ATAD2: variants seen among roughly 807,000 people sequenced by gnomAD.
The protein encoded by ATAD2 is ATPase family AAA domain-containing protein 2.
Under a neutral mutation model 168.9 loss-of-function variants are expected in ATAD2, and 62 were observed. The ratio of observed to expected loss-of-function variants is 0.37; its 90% CI spans 0.30 to 0.45. ATAD2 has a LOEUF of 0.45. ATAD2 is among the 20% of genes least tolerant of loss of function. ATAD2 has a pLI of 1.00. For synonymous variants in ATAD2, 613 were observed against 571.6 expected (o/e 1.07, Z -1.03); for missense variants, 1,419 against 1,667.8 (o/e 0.85, Z 2.60).
chr8:123,353,909 G>A (rs146805832), intron 13 of ATAD2, among the ~76,000 whole-genome samples: 2,632 of 152,258 alleles, frequency 0.017, 59 homozygotes, highest in African/African-American at 0.059. Flanking sequence ...GAGGCAGGTG[G>A]ATCACCTGAG....
In ATAD2 at chr8:123,396,226, C is replaced by G. The variant is rs1486389661; in HGVS notation, c.132G>C (p.Ala44=). ...IGRRRLRSAG[A]AQKKPAATTA... ...TGGTCGCCGCGGGTTTCTTCTGCGCCGCGCCGGCCGAGCGGAGCCGCCTCC... is the reference window on the plus strand; with the variant it reads ...TGGTCGCCGCGGGTTTCTTCTGCGCGGCGCCGGCCGAGCGGAGCCGCCTCC... The change falls in exon 1 of 28, where the codon GCG becomes GCC. Residue 44 remains alanine, a synonymous_variant. Transcript: ENST00000287394. The G allele has an allele frequency of 6.3e-7, 1 of 1,599,674 alleles. No individual in the cohort carries two copies.
At chr8:123,329,104 C>T (rs78502268) in intron 24 of ATAD2, among the ~76,000 whole-genome samples, 6,322 of 152,012 alleles carry the variant, frequency 0.042, 428 homozygotes, top group African/African-American at 0.14. Context: ...CCCGGCCTAT[C>T]TTGAATACTT....
At position 123,359,665 on chromosome 8, in the gene ATAD2, C is replaced by G. The variant is rs754909018; in HGVS notation, c.1178G>C (p.Arg393Pro). ...ATAAATGCCTTTTAATTCATCTTTC[C>G]GAAAATTTAGTGGGAGGCACCTATT... Reference protein sequence around the residue: ...AINRCLPLNFRKDELKGIYKD... With the variant: ...AINRCLPLNFPKDELKGIYKD... The change falls in exon 10 of 28, where the codon CGG becomes CCG. Residue 393 changes from arginine to proline, a missense_variant. Physicochemically the swap from Arg to Pro is moderately radical, Grantham distance 103 (BLOSUM62 -2). Transcript: ENST00000287394. 1.6e-5 allele frequency: 25 copies of G among 1,611,698 alleles called. 1 individual carries two copies. In the South Asian group the frequency reaches 2.7e-4, roughly 17 times the overall value.
rs869048943 is a variant in ATAD2 at position 123,321,987 on chromosome 8, C to CTTTTTTTTTTTTTTTT, written c.4132-828_4132-813dup. Among the ~76,000 whole-genome samples, 22 of 136,466 alleles carry CTTTTTTTTTTTTTTTT rather than the reference C, an allele frequency of 1.6e-4. 1 individual carries two copies. Among genetic ancestry groups the CTTTTTTTTTTTTTTTT allele is most frequent in the African/African-American group, 5.7e-4 (20 of 35,126 alleles). The allele number at this position is 136,466 out of a possible 152,430, so 89.5% of individuals were successfully genotyped here. ...ATAAAGGAAGATTAAGTACATAAGT[C>CTTTTTTTTTTTTTTTT]TTTTTTTTTTTTTTTTGTCATACAG... On this transcript the variant is annotated intron_variant, in intron 27 of 27. Coordinates refer to ENST00000287394, the MANE Select transcript of ATAD2 (RefSeq NM_014109.4).
upstream of ATAD2, among the ~76,000 whole-genome samples, chr8:123,397,411 G>A (rs1465513975): frequency 6.6e-6 from 1 of 152,142 alleles, no homozygotes; most frequent in African/African-American, 2.4e-5. Context: ...GTACTATTAT[G>A]ATACCTTGGA....
intron 4 of ATAD2, 56 bp from the exon 5 acceptor site, chr8:123,371,394 A>T: frequency 2.1e-6 from 3 of 1,411,622 alleles, no homozygotes; most frequent in Non-Finnish European, 2.9e-6. Flanking sequence ...GCAGAATTTT[A>T]AAAACTTTAT....
intron 1 of ATAD2, among the ~76,000 whole-genome samples, chr8:123,393,558 T>C (rs1435726510): frequency 2.6e-5 from 4 of 151,330 alleles, no homozygotes; most frequent in Admixed American, 2.6e-4. Flanking sequence ...TGAGGGAAGG[T>C]GGGGCATAAT....
intron 26 of ATAD2, among the ~76,000 whole-genome samples, chr8:123,325,645 T>A (rs1337176901): frequency 6.6e-6 from 1 of 152,028 alleles, no homozygotes; most frequent in Non-Finnish European, 1.5e-5. Context: ...GGTCTCGAAC[T>A]CCTGACCTCA....
chr8:123,325,827 TCA>T, intron 26 of ATAD2, 64 bp downstream of exon 26: 1 of 1,571,472 alleles, frequency 6.4e-7, no homozygotes, highest in South Asian at 1.1e-5. Flanking sequence ...ATGCTACTAG[TCA>T]CAAGCCAGTG....
At chr8:123,398,590 C>T (rs947911362), upstream of ATAD2, among the ~76,000 whole-genome samples, 1 of 152,236 alleles carries the variant, frequency 6.6e-6, no homozygotes, top group Admixed American at 6.5e-5. Flanking sequence ...CGGTTCACTG[C>T]AGCTTTGACC....
chr8:123,380,171 C>T (rs943318951), intron 2 of ATAD2, among the ~76,000 whole-genome samples: 1 of 152,070 alleles, frequency 6.6e-6, no homozygotes, highest in Non-Finnish European at 1.5e-5. Context: ...CCTGCCTCAG[C>T]CTCCCGAGTA....
Position 123,337,781 on chromosome 8 carries a change from A to AGGT in ATAD2, c.2892_2894dup (p.Pro965dup). 6.2e-7 allele frequency: 1 copy of AGGT among 1,612,360 alleles called. No homozygotes were observed. Among genetic ancestry groups the AGGT allele is most frequent in the Non-Finnish European group, 8.5e-7 (1 of 1,179,238 alleles). On this transcript the variant is annotated inframe_insertion, in exon 21 of 28. Transcript: ENST00000287394. ...CTTCTGCTGTCAGTGATCTTGGCTC[A>AGGT]GGTGGTGGTGCTACTGGGAGTACCT...
intron 1 of ATAD2, among the ~76,000 whole-genome samples, chr8:123,404,030 ACT>A (rs1303754455): frequency 3.3e-5 from 5 of 151,970 alleles, no homozygotes; most frequent in Non-Finnish European, 7.4e-5. Flanking sequence ...ATCAGAGGTA[ACT>A]CTCTTCTCTG....
In ATAD2 at chr8:123,368,349, C is replaced by A. The variant is rs755700944; in HGVS notation, c.1049+709G>T. Among the ~76,000 whole-genome samples the A allele has an allele frequency of 6.6e-5, 10 of 152,132 alleles. 1 individual carries two copies. The highest frequency in any genetic ancestry group is 6.3e-3 in the Middle Eastern group (2 of 316). On this transcript the variant is annotated intron_variant, in intron 8 of 27. Coordinates refer to ENST00000287394, the MANE Select transcript of ATAD2 (RefSeq NM_014109.4). ...AGGAGAATCGCTTGAACCCAGGAGG[C>A]AGAGGTTGCAGTAAGCCAAGATCGT...
chr8:123,344,693 T>A, intron 19 of ATAD2, 191 bp downstream of exon 19: 1 of 607,128 alleles, frequency 1.6e-6, no homozygotes, highest in Non-Finnish European at 2.8e-6. Flanking sequence ...CCTTAATATA[T>A]ACATACACAT....
At chr8:123,375,013 A>C (rs1829264995) in intron 2 of ATAD2, among the ~76,000 whole-genome samples, 1 of 152,196 alleles carries the variant, frequency 6.6e-6, no homozygotes, top group South Asian at 2.1e-4. Context: ...AAAGAGTAAA[A>C]AAAAGAATGG....
At chr8:123,371,102 A>G (rs1829137439) in intron 5 of ATAD2, 112 bp from the exon 6 acceptor site, 1 of 1,121,076 alleles carries the variant, frequency 8.9e-7, no homozygotes. Context: ...ATAAACTCTT[A>G]CATTTCCAGC....
chr8:123,370,874 C>A, intron 6 of ATAD2, 29 bp downstream of exon 6: 1 of 1,517,140 alleles, frequency 6.6e-7, no homozygotes, highest in Non-Finnish European at 9.0e-7. Context: ...AATTCAATCC[C>A]AGAAGACAGA....
At chr8:123,351,752 T>A (rs1293072717) in intron 13 of ATAD2, among the ~76,000 whole-genome samples, 1 of 151,262 alleles carries the variant, frequency 6.6e-6, no homozygotes, top group African/African-American at 2.4e-5. Flanking sequence ...ACTGATGTTT[T>A]TTTTTTTTTT....
Sources: gnomAD v4.1 joint callset for allele counts (sites outside exome capture counted in the v4.1 genomes callset) on GRCh38, gnomAD v4.1.1 for gene constraint, MANE v1.5 for transcripts, NCBI Gene and HGNC (gene_info 2026-07-23, HGNC 2026-07-21) for gene names.